The following ZSCAN25 variants were observed in gnomAD, a reference collection of about 807,000 sequenced individuals.
ZSCAN25 encodes zinc finger and SCAN domain-containing protein 25.
A neutral mutation model predicts 38.7 loss-of-function variants in ZSCAN25; 27 were observed. The ratio of observed to expected loss-of-function variants is 0.70; its 90% CI spans 0.51 to 0.96. The LOEUF (loss-of-function observed/expected upper bound fraction) is 0.96. ZSCAN25 is among the 40% of genes least tolerant of loss of function. The pLI is 0.00. For missense variants in ZSCAN25, 637 were observed against 705.9 expected, an observed-to-expected ratio of 0.90 and a Z score of 1.11; for synonymous variants, 273 against 277.7, an observed-to-expected ratio of 0.98 and a Z score of 0.17.
At chr7:99,661,188 CTCTTGCT>C in the ZSCAN25 span, among the ~76,000 whole-genome samples, 2 of 152,156 alleles carry the variant, frequency 1.3e-5, no homozygotes, top group Non-Finnish European at 2.9e-5. Context: ...TACAGATCAC[CTCTTGCT>C]ACTCAAAGTG....
chr7:99,620,099 C>G, intron 4 of ZSCAN25, 106 bp downstream of exon 4: 1 of 1,408,718 alleles, frequency 7.1e-7, no homozygotes, highest in Non-Finnish European at 9.3e-7. Context: ...TGTGGAGCCG[C>G]CCTCCTCTGC....
Position 99,629,069 on chromosome 7 carries a change from GGTT to G in ZSCAN25, c.806-117_806-115del. 1.5e-6 allele frequency: 2 copies of G among 1,353,104 alleles called. No homozygotes were observed. Among genetic ancestry groups the G allele is most frequent in the Non-Finnish European group, 2.0e-6 (2 of 1,002,476 alleles). 83.8% of individuals were successfully genotyped at this position (1,353,104 alleles called of 1,614,324 possible). On this transcript the variant is annotated intron_variant, in intron 7 of 7. Coordinates refer to ENST00000394152, the MANE Select transcript of ZSCAN25 (RefSeq NM_145115.3). This position sits in a 1 kb window ranked among gnomAD's most constrained non-coding sequence, Gnocchi z 5.6. ...AAGAAGTAAGGAAAGCCTGAGTTGA[GGTT>G]GTTGGTCAAAGGAAAAAAGAGAAGG...
chr7:99,621,113 G>A (rs1050954245), intron 4 of ZSCAN25: 1 of 319,056 alleles, frequency 3.1e-6, no homozygotes, highest in Non-Finnish European at 5.7e-6. Context: ...GATAATATTT[G>A]GGCTTGGTGA....
At position 99,619,616 on chromosome 7, in the gene ZSCAN25, G is replaced by A. The variant is rs368474689; in HGVS notation, c.10G>A (p.Glu4Lys). 4.3e-5 allele frequency: 69 copies of A among 1,612,758 alleles called. No individual in the cohort carries two copies. Among genetic ancestry groups the A allele is most frequent in the Non-Finnish European group, 5.8e-5 (68 of 1,179,194 alleles). The change falls in exon 4 of 8, where the codon GAG becomes AAG. Residue 4 changes from glutamate (E) to lysine (K), a missense_variant. Coordinates refer to ENST00000394152, the MANE Select transcript of ZSCAN25 (RefSeq NM_145115.3). MLK[E>K]HPEMAEAPQQ... ...CGGAGGGAGTCTGAAGATGCTTAAA[G>A]AGCATCCAGAGATGGCGGAAGCTCC...
Position 99,629,177 on chromosome 7 carries a change from C to G in ZSCAN25, c.806-14C>G. 1.3e-6 allele frequency: 2 copies of G among 1,593,284 alleles called. No individual in the cohort carries two copies. Among genetic ancestry groups the G allele is most frequent in the Non-Finnish European group, 1.7e-6 (2 of 1,170,602 alleles). ...CTACCACAGAATCAATCTTTATCTC[C>G]TCCTGTCCTGTAGGCGGTGGGAGCA... is the stretch of plus-strand genomic sequence containing the variant. On this transcript the variant is annotated splice_polypyrimidine_tract_variant and intron_variant, in intron 7 of 7. Transcript: ENST00000394152. This position sits in a 1 kb window ranked among gnomAD's most constrained non-coding sequence, Gnocchi z 5.6.
At chr7:99,700,917 G>C in the ZSCAN25 span, among the ~76,000 whole-genome samples, 1 of 152,280 alleles carries the variant, frequency 6.6e-6, no homozygotes, top group East Asian at 1.9e-4. Flanking sequence ...GTTCTGCAAA[G>C]GAAAATAATA....
At chr7:99,668,307 A>G in the ZSCAN25 span, among the ~76,000 whole-genome samples, 2 of 152,224 alleles carry the variant, frequency 1.3e-5, no homozygotes, top group Non-Finnish European at 2.9e-5. Flanking sequence ...GGCATACTAT[A>G]TTCACGGGAT....
chr7:99,637,465 G>A, the ZSCAN25 span, among the ~76,000 whole-genome samples: 1 of 152,090 alleles, frequency 6.6e-6, no homozygotes, highest in Non-Finnish European at 1.5e-5. Context: ...TGTCCTTCAT[G>A]GGTTACACTT....
the ZSCAN25 span, among the ~76,000 whole-genome samples, chr7:99,675,107 G>A: frequency 1.3e-5 from 2 of 152,216 alleles, no homozygotes; most frequent in African/African-American, 4.8e-5. Context: ...TCTAAGGCAT[G>A]TTGTTGAGTG....
intron 5 of ZSCAN25, 134 bp downstream of exon 5, chr7:99,621,708 C>G: frequency 1.5e-6 from 1 of 665,500 alleles, no homozygotes; most frequent in Non-Finnish European, 2.2e-6. Context: ...TGGCTACTTC[C>G]TCCACCTTAG....
downstream of ZSCAN25, among the ~76,000 whole-genome samples, chr7:99,632,986 G>GTTTTTTTTTTTTTTTTTTTTTTTTTT (rs201141594): frequency 3.6e-4 from 51 of 141,526 alleles, 1 homozygote; most frequent in South Asian, 1.9e-3. Context: ...TGCATTTTCT[G>GTTTTTTTTTTTTTTTTTTTTTTTTTT]TTGTTTTTTT....
At chr7:99,700,023 G>C in the ZSCAN25 span, 114 of 1,610,494 alleles carry the variant, frequency 7.1e-5, no homozygotes, top group Non-Finnish European at 8.6e-5. Context: ...CCAAATTTGG[G>C]ATGAGGTCCA....
At chr7:99,622,152 C>T in intron 5 of ZSCAN25, 1 of 205,310 alleles carries the variant, frequency 4.9e-6, no homozygotes, top group South Asian at 6.8e-5. Flanking sequence ...GTCTCGATCT[C>T]CTGACCTCGT....
At chr7:99,664,869 T>G in the ZSCAN25 span, among the ~76,000 whole-genome samples, 74 of 151,728 alleles carry the variant, frequency 4.9e-4, no homozygotes, top group African/African-American at 1.8e-3. Context: ...CAGAGAAAAA[T>G]CAATGATATT....
chr7:99,631,814 G>T lies in ZSCAN25; in HGVS notation c.*1794G>T. On this transcript the variant is annotated 3_prime_UTR_variant, in exon 8 of 8. Coordinates refer to ENST00000394152, the MANE Select transcript of ZSCAN25 (RefSeq NM_145115.3). ...TGTGCCCACGAGGCTGCACTGACTG[G>T]GTCGTAAATGTATCTGAGATGTCCA... 1.0e-6 allele frequency: 1 copy of T among 985,366 alleles called. No individual in the cohort carries two copies. Among genetic ancestry groups the T allele is most frequent in the South Asian group, 4.7e-5 (1 of 21,290 alleles). 61.0% of individuals were successfully genotyped at this position (985,366 alleles called of 1,614,324 possible).
the ZSCAN25 span, among the ~76,000 whole-genome samples, chr7:99,691,058 G>A: frequency 1.6e-4 from 24 of 152,218 alleles, no homozygotes; most frequent in African/African-American, 5.3e-4. Context: ...GTCCAACAAC[G>A]ATAGACTGGA....
At chr7:99,683,826 C>T in the ZSCAN25 span, among the ~76,000 whole-genome samples, 1 of 152,174 alleles carries the variant, frequency 6.6e-6, no homozygotes, top group Non-Finnish European at 1.5e-5. Flanking sequence ...ATGACACTCT[C>T]TTTTCTACCT....
the ZSCAN25 span, chr7:99,671,885 A>G: frequency 1.3e-5 from 9 of 701,830 alleles, no homozygotes; most frequent in African/African-American, 1.4e-4. Flanking sequence ...AAATCTACGA[A>G]TGTGAAAAAT....
chr7:99,732,384 C>G, the ZSCAN25 span, among the ~76,000 whole-genome samples: 2 of 152,050 alleles, frequency 1.3e-5, no homozygotes, highest in African/African-American at 4.8e-5. Flanking sequence ...AATTACCCAC[C>G]CTGAGATTTT....
Sources: gnomAD v4.1 joint callset for allele counts (sites outside exome capture counted in the v4.1 genomes callset) on GRCh38, gnomAD v4.1.1 for gene constraint, Gnocchi (gnomAD v3.1) non-coding constraint, MANE v1.5 for transcripts, NCBI Gene and HGNC (gene_info 2026-07-23, HGNC 2026-07-21) for gene names.